ZDHHC8: variants seen among roughly 807,000 people sequenced by gnomAD.
ZDHHC8 encodes the protein zDHHC palmitoyltransferase 8.
In ZDHHC8, 24 loss-of-function variants were observed where a neutral mutation model predicts 61.2. The ratio of observed to expected loss-of-function variants is 0.39; its 90% confidence interval spans 0.28 to 0.55. The LOEUF is 0.55. Ranked by LOEUF, ZDHHC8 falls within the 20% of genes least tolerant of loss-of-function variation. ZDHHC8 has a pLI of 0.60. For synonymous variants in ZDHHC8, 523 were observed against 492.5 expected (o/e 1.06, Z -0.82); for missense variants, 935 against 1,102.1 (o/e 0.85, Z 2.15).
Position 20,147,010 on chromosome 22 carries a change from G to T in ZDHHC8, c.*1610G>T. The T allele has an allele frequency of 1.4e-6, 2 of 1,401,116 alleles. No individual in the cohort carries two copies. The highest frequency in any genetic ancestry group is 1.9e-6 in the Non-Finnish European group (2 of 1,080,084). The allele number at this position is 1,401,116 out of a possible 1,614,324, so 86.8% of individuals were successfully genotyped here. ...TTTCTGCTTCTCTCTCACGGACGCC[G>T]CGGCCCGCAGGGGGCGGATTGGCAC... On this transcript the variant is annotated 3_prime_UTR_variant, in exon 11 of 11. Coordinates refer to ENST00000334554, the MANE Select transcript of ZDHHC8 (RefSeq NM_013373.4).
In ZDHHC8 at chr22:20,132,059, G is replaced by A. The variant is rs1480110568; in HGVS notation, c.104+8G>A. ...CCTCTTCTTCGTGTTCACGTGAGTC[G>A]GCGCCGCGTCTGGGGGCACGCGGGC... On this transcript the variant is annotated splice_region_variant and intron_variant, in intron 1 of 10. Coordinates refer to ENST00000334554, the MANE Select transcript of ZDHHC8 (RefSeq NM_013373.4). 3.1e-6 allele frequency: 4 copies of A among 1,293,198 alleles called. No homozygotes were observed. The highest frequency in any genetic ancestry group is 2.6e-5 in the Admixed American group (1 of 38,970). The allele number at this position is 1,293,198 out of a possible 1,614,324, so 80.1% of individuals were successfully genotyped here.
intron 1 of ZDHHC8, among the ~76,000 whole-genome samples, chr22:20,133,119 T>C (rs893649577): frequency 6.6e-6 from 1 of 152,020 alleles, no homozygotes; most frequent in African/African-American, 2.4e-5. Flanking sequence ...GGCGAGAGAG[T>C]TACCTGCAGG....
At chr22:20,139,950 A>T (rs746469409) in intron 4 of ZDHHC8, 58 bp downstream of exon 4, 279 of 1,600,016 alleles carry the variant, frequency 1.7e-4, no homozygotes, top group Non-Finnish European at 2.2e-4. Flanking sequence ...GGACACGTTC[A>T]CCAGGGAGAT....
At chr22:20,142,594 T>C (rs1479435660) in intron 9 of ZDHHC8, among the ~76,000 whole-genome samples, 162 bp from the exon 10 acceptor site, 5 of 152,176 alleles carry the variant, frequency 3.3e-5, no homozygotes, top group Non-Finnish European at 7.4e-5. Context: ...CCCTCAGCCG[T>C]GGATGCTCAG....
chr22:20,132,302 G>A (rs776477442), intron 1 of ZDHHC8, among the ~76,000 whole-genome samples: 3 of 152,240 alleles, frequency 2.0e-5, no homozygotes, highest in Admixed American at 6.5e-5. Context: ...CCTCGGGAGT[G>A]TCCAGGCAGG....
At chr22:20,133,952 G>C (rs146935274) in intron 1 of ZDHHC8, among the ~76,000 whole-genome samples, 39 of 152,138 alleles carry the variant, frequency 2.6e-4, no homozygotes, top group Non-Finnish European at 4.0e-4. Flanking sequence ...CTGTGAACCT[G>C]ACCCAGCCCT....
intron 6 of ZDHHC8, 67 bp downstream of exon 6, chr22:20,140,775 C>G: frequency 6.3e-7 from 1 of 1,594,778 alleles, no homozygotes; most frequent in Non-Finnish European, 8.5e-7. Context: ...GCCTTAGACC[C>G]TCTTGGTCCG....
At chr22:20,141,368 G>C (rs756298634) in intron 8 of ZDHHC8, 31 bp downstream of exon 8, 21 of 1,611,490 alleles carry the variant, frequency 1.3e-5, no homozygotes, top group Middle Eastern at 1.6e-4. Flanking sequence ...ACTAGGGAGG[G>C]ATATGGGTTG....
chr22:20,141,305 G>A lies in ZDHHC8; in HGVS notation c.983G>A (p.Ser328Asn). ...PPKIEAGTFS[S>N]DLQTPRPGSA... The stretch of plus-strand genomic sequence containing the variant: ...AAGATAGAGGCTGGCACGTTCAGCA[G>A]TGACCTGCAGACCCCGCGCCCAGGC... Residue 328 changes from serine (S) to asparagine (N), a missense_variant, in exon 8 of 11, where the codon AGT becomes AAT. Transcript: ENST00000334554. 1 of 1,612,882 alleles carries A rather than the reference G, an allele frequency of 6.2e-7. No homozygotes were observed. Among genetic ancestry groups the A allele is most frequent in the Non-Finnish European group, 8.5e-7 (1 of 1,179,942 alleles).
chr22:20,139,411 C>T lies in ZDHHC8; in HGVS notation c.227-67C>T, dbSNP rs1016652713. ...AGGGATTCCTGGTGGGTGGGCTGGA[C>T]TTGGGGGAGGGATTCACCTGCCAGG... On this transcript the variant is annotated intron_variant, in intron 2 of 10. Transcript: ENST00000334554. 16 of 1,604,350 alleles carry T rather than the reference C, an allele frequency of 1.0e-5. 1 individual carries two copies. In the South Asian group the frequency reaches 1.7e-4, roughly 17 times the overall value.
intron 1 of ZDHHC8, among the ~76,000 whole-genome samples, chr22:20,134,323 C>G (rs1320768284): frequency 6.6e-6 from 1 of 152,268 alleles, no homozygotes; most frequent in Non-Finnish European, 1.5e-5. Flanking sequence ...CCGACCCGCC[C>G]CGCCTCTGCT....
intron 1 of ZDHHC8, among the ~76,000 whole-genome samples, chr22:20,134,842 G>C (rs368249221): frequency 6.6e-6 from 1 of 152,208 alleles, no homozygotes; most frequent in East Asian, 1.9e-4. Flanking sequence ...AGGATGCCCA[G>C]TTGTGAAGAG....
Position 20,141,470 on chromosome 22 carries a change from C to T in ZDHHC8, c.1065C>T (p.Tyr355=), listed in dbSNP as rs1360704532. The change falls in exon 9 of 11, where the codon TAC becomes TAT. Residue 355 remains tyrosine (Y), a synonymous_variant. Coordinates refer to ENST00000334554, the MANE Select transcript of ZDHHC8 (RefSeq NM_013373.4). ...CCAGCCCCCCGACACCTGCCATGTA[C>T]AAGTTTAGGCCGGCTTTCCCCACGG... ...QRTSPPTPAM[Y]KFRPAFPTGP... The T allele has an allele frequency of 8.1e-6, 13 of 1,613,392 alleles. No homozygotes were observed. The East Asian group carries it at 2.0e-4, about 25-fold the overall frequency.
At chr22:20,134,601 G>A (rs567428482) in intron 1 of ZDHHC8, among the ~76,000 whole-genome samples, 146 of 152,306 alleles carry the variant, frequency 9.6e-4, no homozygotes, top group Admixed American at 2.2e-3. Context: ...TTTGCTCCTC[G>A]GACGTTACCA....
chr22:20,147,303 G>T lies in ZDHHC8; in HGVS notation c.*1903G>T. The T allele has an allele frequency of 7.4e-7, 1 of 1,355,304 alleles. No individual in the cohort carries two copies. Among genetic ancestry groups the T allele is most frequent in the South Asian group, 1.7e-5 (1 of 59,368 alleles). The allele number at this position is 1,355,304 out of a possible 1,614,324, so 84.0% of individuals were successfully genotyped here. ...GGACCCAGGAGGTCAGACTGCAGTG[G>T]ACCCTGGGGCAGGGCTGGGGGTGGG... On this transcript the variant is annotated 3_prime_UTR_variant, in exon 11 of 11. Coordinates refer to ENST00000334554, the MANE Select transcript of ZDHHC8 (RefSeq NM_013373.4).
chr22:20,144,574 G>T (rs1413294841), intron 10 of ZDHHC8, among the ~76,000 whole-genome samples: 2 of 152,222 alleles, frequency 1.3e-5, no homozygotes, highest in African/African-American at 4.8e-5. Context: ...GGCCACAAAG[G>T]GGCTGAGGGC....
At position 20,139,888 on chromosome 22, in the gene ZDHHC8, A is replaced by G. The variant is rs967996045; in HGVS notation, c.553A>G (p.Ile185Val). The part of the protein sequence containing the change: ...AEGLGAAHTT[I>V]TMAVMCVAGL... ...GGGGCTGGGAGCCGCGCACACCACC[A>G]TCACGTATCCTTGGTTCCTGTGGGC... The change falls in exon 4 of 11, where the codon ATC (isoleucine) becomes GTC (valine). Residue 185 changes from isoleucine (I) to valine (V), a missense_variant. Around this residue, in one of 3 missense-constraint regions of ZDHHC8, gnomAD observed 199 missense variants for 334.0 expected, o/e 0.60. Coordinates refer to ENST00000334554, the MANE Select transcript of ZDHHC8 (RefSeq NM_013373.4). 7 of 1,569,884 alleles carry G rather than the reference A, an allele frequency of 4.5e-6. No homozygotes were observed. The African/African-American group carries it at 8.2e-5, about 18-fold the overall frequency.
intron 4 of ZDHHC8, 59 bp from the exon 5 acceptor site, chr22:20,140,056 G>GTGC (rs1450663660): frequency 1.2e-5 from 20 of 1,602,086 alleles, no homozygotes; most frequent in Non-Finnish European, 1.7e-5. Context: ...CACCTGCTCT[G>GTGC]TGCTGCTGCG....
At chr22:20,138,535 G>A (rs1048471328) in intron 1 of ZDHHC8, among the ~76,000 whole-genome samples, 3 of 152,244 alleles carry the variant, frequency 2.0e-5, no homozygotes, top group East Asian at 1.9e-4. Flanking sequence ...AAAGCTTCCC[G>A]GAAGAGGGGG....
Sources: gnomAD v4.1 joint callset for allele counts (sites outside exome capture counted in the v4.1 genomes callset) on GRCh38, gnomAD v4.1.1 for gene constraint, gnomAD v4.1.1 regional missense constraint, MANE v1.5 for transcripts, NCBI Gene and HGNC (gene_info 2026-07-23, HGNC 2026-07-21) for gene names.